Variants in WWOX observed in about 807,000 individuals in gnomAD.
The protein encoded by WWOX is WW domain-containing oxidoreductase.
A neutral mutation model predicts 46.2 loss-of-function variants in WWOX; 69 were observed. The observed-to-expected ratio is 1.49, with a 90% CI of 1.23 to 1.82. The LOEUF is 1.82. Ranked by LOEUF, WWOX falls within the 40% of genes most tolerant of loss-of-function variation. WWOX has a pLI of 0.00. For synonymous variants in WWOX, 359 were observed against 202.6 expected (o/e 1.77, Z -6.56); for missense variants, 919 against 542.6 (o/e 1.69, Z -6.89).
intron 8 of WWOX, among the ~76,000 whole-genome samples, chr16:78,993,090 A>G (rs1241738566): frequency 6.6e-6 from 1 of 151,964 alleles, no homozygotes; most frequent in Admixed American, 6.6e-5. Flanking sequence ...CGGGGAGGAA[A>G]TTTAACTTTT....
intron 8 of WWOX, among the ~76,000 whole-genome samples, chr16:78,712,709 A>G (rs896775858): frequency 1.3e-5 from 2 of 152,264 alleles, no homozygotes; most frequent in Admixed American, 1.3e-4. Flanking sequence ...TAATATTTTA[A>G]TTGAGTTTAT....
chr16:78,784,442 A>G (rs1434407344), intron 8 of WWOX, among the ~76,000 whole-genome samples: 1 of 151,938 alleles, frequency 6.6e-6, no homozygotes. Context: ...CTGGTGAGTG[A>G]AGTTCTTACC....
chr16:78,821,552 C>A, intron 8 of WWOX, among the ~76,000 whole-genome samples: 1 of 152,296 alleles, frequency 6.6e-6, no homozygotes, highest in East Asian at 1.9e-4. Context: ...CACCCATTCC[C>A]AACAGTGTCC....
intron 5 of WWOX, among the ~76,000 whole-genome samples, chr16:78,384,360 C>T (rs994579754): frequency 4.5e-4 from 68 of 152,136 alleles, no homozygotes; most frequent in African/African-American, 1.5e-3. Context: ...TTTGCTGACT[C>T]TGAATGTCAG....
chr16:78,856,189 C>A (rs571131665), intron 8 of WWOX, among the ~76,000 whole-genome samples: 1 of 152,028 alleles, frequency 6.6e-6, no homozygotes, highest in African/African-American at 2.4e-5. Flanking sequence ...GCATAAAGGG[C>A]CAGAACAGAA....
intron 6 of WWOX, among the ~76,000 whole-genome samples, chr16:78,424,313 T>C (rs949809805): frequency 2.6e-5 from 4 of 152,018 alleles, no homozygotes; most frequent in African/African-American, 9.7e-5. Flanking sequence ...AGAGATGGGG[T>C]TTCACCATGT....
At chr16:78,238,606 T>C (rs1487888895) in intron 5 of WWOX, among the ~76,000 whole-genome samples, 1 of 151,934 alleles carries the variant, frequency 6.6e-6, no homozygotes, top group Non-Finnish European at 1.5e-5. Flanking sequence ...ATATGCAGTA[T>C]ATGTGCTAAA....
chr16:78,145,077 G>C (rs1411544599), intron 4 of WWOX, among the ~76,000 whole-genome samples: 2 of 152,136 alleles, frequency 1.3e-5, no homozygotes, highest in Non-Finnish European at 2.9e-5. Context: ...AAAATTTATT[G>C]TCTCATAGTT....
intron 8 of WWOX, among the ~76,000 whole-genome samples, chr16:78,892,582 C>T (rs190372930): frequency 1.1e-4 from 17 of 152,210 alleles, no homozygotes; most frequent in African/African-American, 2.2e-4. Context: ...TTATCCAAAG[C>T]AGCTCCACTT....
chr16:79,107,819 A>C (rs564835272), intron 8 of WWOX, among the ~76,000 whole-genome samples: 1 of 152,234 alleles, frequency 6.6e-6, no homozygotes, highest in Non-Finnish European at 1.5e-5. Context: ...ATAATCACAA[A>C]TTAAAATAGC....
intron 8 of WWOX, among the ~76,000 whole-genome samples, chr16:79,207,921 A>G (rs1031740125): frequency 2.0e-5 from 3 of 152,212 alleles, no homozygotes; most frequent in African/African-American, 7.2e-5. Context: ...AATGTTGATG[A>G]AAAGCAGCTA....
chr16:78,278,708 C>G (rs1443065536), intron 5 of WWOX: 4 of 1,527,370 alleles, frequency 2.6e-6, no homozygotes, highest in Non-Finnish European at 3.6e-6. Flanking sequence ...ATTACATCTT[C>G]TTTTGTGGGT....
At chr16:78,940,122 A>T (rs1450358779) in intron 8 of WWOX, among the ~76,000 whole-genome samples, 1 of 152,194 alleles carries the variant, frequency 6.6e-6, no homozygotes, top group Non-Finnish European at 1.5e-5. Flanking sequence ...GTCTTCCGAG[A>T]CTTGGGACAA....
intron 5 of WWOX, among the ~76,000 whole-genome samples, chr16:78,273,427 G>A (rs1010676118): frequency 4.6e-5 from 7 of 152,130 alleles, no homozygotes; most frequent in Admixed American, 1.3e-4. Context: ...GACCTCCACG[G>A]TACCAGGCAG....
intron 8 of WWOX, among the ~76,000 whole-genome samples, chr16:79,125,746 C>T (rs967179151): frequency 2.0e-5 from 3 of 152,184 alleles, no homozygotes; most frequent in African/African-American, 7.2e-5. Context: ...TGGGGCAGTG[C>T]CAGGATTTAA....
At chr16:79,133,675 T>G (rs931990028) in intron 8 of WWOX, among the ~76,000 whole-genome samples, 1 of 152,186 alleles carries the variant, frequency 6.6e-6, no homozygotes, top group African/African-American at 2.4e-5. Flanking sequence ...TGGCCTGCAC[T>G]GGGGAGTTGT....
At chr16:79,161,721 G>A (rs995615787) in intron 8 of WWOX, among the ~76,000 whole-genome samples, 1 of 152,174 alleles carries the variant, frequency 6.6e-6, no homozygotes, top group East Asian at 1.9e-4. Context: ...GTTTCACCAT[G>A]TTGGCCAGGC....
chr16:79,123,577 G>C (rs2049685692), intron 8 of WWOX, among the ~76,000 whole-genome samples: 1 of 152,124 alleles, frequency 6.6e-6, no homozygotes, highest in Non-Finnish European at 1.5e-5. Context: ...TTGAGACCCA[G>C]AAGGGTCTCA....
rs990215210 is a variant in WWOX, at chr16:78,376,221, T to C, written c.517-10639T>C. On this transcript the variant is annotated intron_variant, in intron 5 of 8. Coordinates refer to ENST00000566780, the MANE Select transcript of WWOX (RefSeq NM_016373.4). ...AGAGATTGTTCTGTAATTTCTGTTT[T>C]TACTGATAAGGAAGCTCACGCTTAG... Among the ~76,000 whole-genome samples, 4 of 151,968 alleles carry C rather than the reference T, an allele frequency of 2.6e-5. No individual in the cohort carries two copies. In the South Asian group the frequency reaches 6.2e-4, roughly 24 times the overall value.
Sources: gnomAD v4.1 joint callset for allele counts (sites outside exome capture counted in the v4.1 genomes callset) on GRCh38, gnomAD v4.1.1 for gene constraint, MANE v1.5 for transcripts, NCBI Gene and HGNC (gene_info 2026-07-23, HGNC 2026-07-21) for gene names.